The following OXCT1 variants were observed in gnomAD, a reference collection of about 807,000 sequenced individuals.
The protein encoded by OXCT1 is succinyl-CoA:3-ketoacid coenzyme A transferase 1, mitochondrial.
Under a neutral mutation model 69.6 loss-of-function variants are expected in OXCT1, and 27 were observed. The ratio of observed to expected loss-of-function variants is 0.39; its 90% CI spans 0.29 to 0.54. The LOEUF (loss-of-function observed/expected upper bound fraction) is 0.54, where lower values mean the gene tolerates loss of function less well. OXCT1 is among the 20% of genes least tolerant of loss of function. The pLI is 0.72. For synonymous variants in OXCT1, 202 were observed against 217.8 expected (o/e 0.93, Z 0.64); for missense variants, 437 against 650.2 (o/e 0.67, Z 3.57).
At chr5:41,745,387 GACACA>G (rs1743419606) in intron 15 of OXCT1, among the ~76,000 whole-genome samples, 2 of 152,070 alleles carry the variant, frequency 1.3e-5, no homozygotes, top group African/African-American at 4.8e-5. Context: ...GAATCTCTGG[GACACA>G]TTCAAAGCAG....
intron 5 of OXCT1, chr5:41,843,753 T>C (rs1358264488): frequency 1.7e-5 from 5 of 292,002 alleles, no homozygotes; most frequent in South Asian, 1.5e-4. Flanking sequence ...CTATAGAAAA[T>C]AGAAAATTTT....
rs1286213552 is a variant in OXCT1 at position 41,870,134 on chromosome 5, G to GC, written c.78+146dup. 9.6e-6 allele frequency: 7 copies of GC among 730,786 alleles called. No individual in the cohort carries two copies. Among genetic ancestry groups the GC allele is most frequent in the Non-Finnish European group, 1.7e-5 (7 of 407,520 alleles). The allele number at this position is 730,786 out of a possible 1,614,324, so 45.3% of individuals were successfully genotyped here. On this transcript the variant is annotated intron_variant, in intron 1 of 16. Transcript: ENST00000196371. The surrounding 1 kb of genome is among the most constrained non-coding windows in gnomAD (Gnocchi z 4.2). Reference sequence around the variant, plus strand: ...CCGGCGAGGCCAGGAACGCGTCGCCGCGTGTCCGTGACCAGGGCACCGCGC... The same window carrying GC: ...CCGGCGAGGCCAGGAACGCGTCGCCGCCGTGTCCGTGACCAGGGCACCGCGC...
At chr5:41,846,193 C>T (rs1748896346) in intron 5 of OXCT1, among the ~76,000 whole-genome samples, 1 of 151,074 alleles carries the variant, frequency 6.6e-6, no homozygotes, top group Non-Finnish European at 1.5e-5. Flanking sequence ...AGGTTAGTTA[C>T]ATATGTATAC....
chr5:41,745,044 A>G (rs1221361395), intron 15 of OXCT1, among the ~76,000 whole-genome samples: 2 of 152,142 alleles, frequency 1.3e-5, no homozygotes, highest in Non-Finnish European at 2.9e-5. Flanking sequence ...CTCTGCACCA[A>G]GCGGACCTAA....
rs1407303079 is a variant in OXCT1 at position 41,870,383 on chromosome 5, G to C, written c.-25C>G. The C allele has an allele frequency of 1.3e-6, 2 of 1,594,860 alleles. No homozygotes were observed. ...TCTTCGGGCGGTGAGGCAGGAGGAG[G>C]CTGCGGGTTGGAGCGCGCGTTTGAG... On this transcript the variant is annotated 5_prime_UTR_variant, in exon 1 of 17. Transcript: ENST00000196371. The surrounding 1 kb of genome is among the most constrained non-coding windows in gnomAD (Gnocchi z 4.2).
intron 1 of OXCT1, 57 bp from the exon 2 acceptor site, chr5:41,862,807 G>GCC: frequency 9.9e-7 from 1 of 1,011,938 alleles, no homozygotes; most frequent in Non-Finnish European, 1.6e-6. Context: ...TTTACTTTGT[G>GCC]TGTGTAGCAA....
At chr5:41,790,299 C>T (rs1745853028) in intron 13 of OXCT1, among the ~76,000 whole-genome samples, 1 of 152,214 alleles carries the variant, frequency 6.6e-6, no homozygotes, top group Non-Finnish European at 1.5e-5. Context: ...TCAGAAAGCA[C>T]TAGAGCAGCT....
At chr5:41,787,634 C>CAA (rs765691863) in intron 13 of OXCT1, among the ~76,000 whole-genome samples, 520 of 34,482 alleles carry the variant, frequency 0.015, 24 homozygotes, top group Middle Eastern at 0.045. Flanking sequence ...AAGCATTAGG[C>CAA]AAAAAAAAAA....
intron 11 of OXCT1, among the ~76,000 whole-genome samples, chr5:41,796,003 ATCTGTACTC>A (rs1746163916): frequency 6.6e-6 from 1 of 151,970 alleles, no homozygotes; most frequent in South Asian, 2.1e-4. Context: ...TTTCTGACTC[ATCTGTACTC>A]TCTTGCCCCA....
chr5:41,745,648 G>T (rs1336563271), intron 15 of OXCT1, among the ~76,000 whole-genome samples: 1 of 151,924 alleles, frequency 6.6e-6, no homozygotes, highest in South Asian at 2.1e-4. Context: ...TTGATAGACC[G>T]CTAGCAAGAC....
rs550426796 is a variant in OXCT1 at position 41,783,623 on chromosome 5, G to A, written c.1248+10380C>T. On this transcript the variant is annotated intron_variant, in intron 13 of 16. Transcript: ENST00000196371. The stretch of plus-strand genomic sequence containing the variant: ...ATTGTTCATGAGAGAGACAGAGATC[G>A]ACTGATTCAAAGATGACCAAAATCC... Among the ~76,000 whole-genome samples the A allele has an allele frequency of 2.5e-4, 38 of 152,274 alleles. 1 individual carries two copies. The highest frequency in any genetic ancestry group is 2.2e-3 in the Admixed American group (34 of 15,304).
At chr5:41,763,786 A>T (rs1013509922) in intron 13 of OXCT1, among the ~76,000 whole-genome samples, 20 of 152,024 alleles carry the variant, frequency 1.3e-4, no homozygotes, top group African/African-American at 4.8e-4. Context: ...TCTTTGAATT[A>T]AAAAAAAGTC....
intron 10 of OXCT1, among the ~76,000 whole-genome samples, chr5:41,801,762 T>A (rs1180845377): frequency 6.6e-6 from 1 of 152,132 alleles, no homozygotes; most frequent in Non-Finnish European, 1.5e-5. Flanking sequence ...TATGTTCCTT[T>A]TGCACAGCTA....
chr5:41,759,350 TCCTTTCCTTTCTTCAC>T (rs1464472011), intron 14 of OXCT1, among the ~76,000 whole-genome samples: 2 of 152,202 alleles, frequency 1.3e-5, no homozygotes, highest in East Asian at 3.9e-4. Flanking sequence ...AGATTGTTAC[TCCTTTCCTTTCTTCAC>T]ATTTTTAAAG....
rs374922907 is a variant in OXCT1, at chr5:41,805,743, T to C, written c.841-62A>G. The C allele has an allele frequency of 2.2e-5, 24 of 1,079,066 alleles. 2 individuals carry two copies. Among genetic ancestry groups the C allele is most frequent in the East Asian group, 1.2e-4 (5 of 42,334 alleles). 66.8% of individuals were successfully genotyped at this position (1,079,066 alleles called of 1,614,324 possible). ...GGTATGCTTTGTATTTTATCACTGC[T>C]GAAATAAATTTTACTGGAAAAAAAG... On this transcript the variant is annotated intron_variant, in intron 8 of 16. Coordinates refer to ENST00000196371, the MANE Select transcript of OXCT1 (RefSeq NM_000436.4).
intron 14 of OXCT1, among the ~76,000 whole-genome samples, chr5:41,754,151 A>G (rs954056513): frequency 1.7e-4 from 18 of 108,302 alleles, no homozygotes; most frequent in African/African-American, 6.4e-4. Flanking sequence ...AAGAAGGACT[A>G]CAAGGGCTTC....
At chr5:41,778,246 T>C (rs1425092231) in intron 13 of OXCT1, among the ~76,000 whole-genome samples, 2 of 152,240 alleles carry the variant, frequency 1.3e-5, no homozygotes, top group Non-Finnish European at 2.9e-5. Flanking sequence ...AAATTTTCTA[T>C]AAATCAAGTA....
intron 5 of OXCT1, among the ~76,000 whole-genome samples, chr5:41,847,537 T>C (rs913652521): frequency 2.6e-5 from 4 of 151,760 alleles, no homozygotes; most frequent in African/African-American, 9.7e-5. Context: ...CTCAATAAAA[T>C]ACTGGCAAAC....
chr5:41,860,318 A>G (rs1462295146), intron 3 of OXCT1, among the ~76,000 whole-genome samples: 1 of 152,186 alleles, frequency 6.6e-6, no homozygotes, highest in Non-Finnish European at 1.5e-5. Context: ...TAATATACAT[A>G]TATATCAAAG....
Sources: allele counts gnomAD v4.1 joint callset (sites outside exome capture counted in the v4.1 genomes callset), GRCh38; gene constraint gnomAD v4.1.1; non-coding constraint Gnocchi (gnomAD v3.1); transcripts MANE v1.5; gene names NCBI Gene and HGNC (gene_info 2026-07-23, HGNC 2026-07-21).